The following SOCS2 variants were observed in gnomAD, a reference collection of about 807,000 sequenced individuals.
The protein encoded by SOCS2 is CIS-2.
SOCS2 carries 10 observed loss-of-function variants against 18.6 expected under a neutral mutation model. The observed-to-expected ratio is 0.54, with a 90% CI of 0.33 to 0.91. The LOEUF is 0.91. Ranked by LOEUF, SOCS2 falls within the 40% of genes least tolerant of loss-of-function variation. SOCS2 has a pLI of 0.02. For missense variants in SOCS2, 231 were observed against 247.2 expected (o/e 0.93, Z 0.44); for synonymous variants, 104 against 104.0 (o/e 1.00, Z 0.00).
the SOCS2 span, among the ~76,000 whole-genome samples, chr12:93,600,047 A>G: frequency 7.9e-5 from 12 of 152,208 alleles, no homozygotes; most frequent in African/African-American, 2.9e-4. Flanking sequence ...AGTCAGATTT[A>G]CCAATCTTAT....
At chr12:93,592,057 G>C in the SOCS2 span, among the ~76,000 whole-genome samples, 1 of 152,136 alleles carries the variant, frequency 6.6e-6, no homozygotes, top group African/African-American at 2.4e-5. Context: ...CAGTTCAGAA[G>C]TGCACAAAAT....
chr12:93,581,123 C>G (rs1273487574), downstream of SOCS2, among the ~76,000 whole-genome samples: 7 of 152,146 alleles, frequency 4.6e-5, no homozygotes, highest in Non-Finnish European at 8.8e-5. Context: ...GTGGAGGCTC[C>G]TGAGAGTCAA....
At chr12:93,595,670 C>T in the SOCS2 span, among the ~76,000 whole-genome samples, 1 of 152,110 alleles carries the variant, frequency 6.6e-6, no homozygotes, top group Non-Finnish European at 1.5e-5. Context: ...AAACAACCAC[C>T]ATCTATAGTC....
At chr12:93,580,258 G>A (rs1298518833), downstream of SOCS2, among the ~76,000 whole-genome samples, 2 of 152,080 alleles carry the variant, frequency 1.3e-5, no homozygotes, top group Non-Finnish European at 2.9e-5. Flanking sequence ...TTTCCCTTCT[G>A]TTAGTTTGGT....
At chr12:93,612,568 A>G in the SOCS2 span, among the ~76,000 whole-genome samples, 1 of 152,172 alleles carries the variant, frequency 6.6e-6, no homozygotes, top group Non-Finnish European at 1.5e-5. Flanking sequence ...TCCCTAAAGC[A>G]AACTATGCAT....
chr12:93,619,368 G>C, the SOCS2 span, among the ~76,000 whole-genome samples: 291 of 152,306 alleles, frequency 1.9e-3, 2 homozygotes, highest in African/African-American at 6.7e-3. Flanking sequence ...GGGCAGGAAG[G>C]GTGGGGCACA....
the SOCS2 span, among the ~76,000 whole-genome samples, chr12:93,591,635 G>C: frequency 3.9e-5 from 6 of 152,262 alleles, no homozygotes; most frequent in African/African-American, 1.4e-4. Flanking sequence ...AGAGTGCGGA[G>C]CCCCACGGAG....
At chr12:93,592,917 CT>C in the SOCS2 span, among the ~76,000 whole-genome samples, 3,863 of 107,308 alleles carry the variant, frequency 0.036, 62 homozygotes, top group African/African-American at 0.088. Flanking sequence ...ACTGAGAAAG[CT>C]TTTTTTTTTT....
At chr12:93,597,320 T>G in the SOCS2 span, among the ~76,000 whole-genome samples, 94 of 152,312 alleles carry the variant, frequency 6.2e-4, no homozygotes, top group African/African-American at 2.2e-3. Flanking sequence ...ACTATAATTT[T>G]ATCATTTCAA....
the SOCS2 span, among the ~76,000 whole-genome samples, chr12:93,603,086 G>A: frequency 2.0e-5 from 3 of 152,318 alleles, no homozygotes; most frequent in Admixed American, 2.0e-4. Flanking sequence ...CCAAGTCGTA[G>A]CTGTTCCCCG....
chr12:93,592,245 A>G, the SOCS2 span, among the ~76,000 whole-genome samples: 1 of 152,200 alleles, frequency 6.6e-6, no homozygotes, highest in Non-Finnish European at 1.5e-5. Context: ...TTAAAATTTA[A>G]TATTTGGACT....
Position 93,575,257 on chromosome 12 carries a change from T to G in SOCS2, c.*78T>G. ...ATGTAAAAGAGAACCAAAACTTGAG[T>G]GCTCTGGATAACTATATGGAATGCT... On this transcript the variant is annotated 3_prime_UTR_variant, in exon 2 of 2. Transcript: ENST00000551556. 1.0e-6 allele frequency: 1 copy of G among 999,032 alleles called. No individual in the cohort carries two copies. Among genetic ancestry groups the G allele is most frequent in the East Asian group, 2.6e-5 (1 of 37,994 alleles). The allele number at this position is 999,032 out of a possible 1,614,324, so 61.9% of individuals were successfully genotyped here.
chr12:93,602,572 T>C, the SOCS2 span, among the ~76,000 whole-genome samples: 1 of 152,182 alleles, frequency 6.6e-6, no homozygotes, highest in Admixed American at 6.5e-5. Flanking sequence ...CAAAGGTATA[T>C]GACAGGTCTA....
At chr12:93,618,519 T>G in the SOCS2 span, among the ~76,000 whole-genome samples, 2 of 152,018 alleles carry the variant, frequency 1.3e-5, no homozygotes, top group Non-Finnish European at 2.9e-5. Context: ...CCACCACCCT[T>G]CCCCAGCTCA....
upstream of SOCS2, chr12:93,571,613 G>A (rs1034499686): frequency 4.7e-6 from 1 of 211,838 alleles, no homozygotes; most frequent in Non-Finnish European, 9.9e-6. Context: ...TCCGAGAGTG[G>A]AGGTGTCCCA....
chr12:93,620,299 T>C, the SOCS2 span, among the ~76,000 whole-genome samples: 13,288 of 152,290 alleles, frequency 0.087, 986 homozygotes, highest in East Asian at 0.33. Context: ...TAGTCAATTC[T>C]ATGGCTGTAC....
At chr12:93,601,888 A>T in the SOCS2 span, among the ~76,000 whole-genome samples, 1 of 152,156 alleles carries the variant, frequency 6.6e-6, no homozygotes, top group Admixed American at 6.5e-5. Flanking sequence ...ATTTTCACAT[A>T]AACTTAGATT....
chr12:93,615,370 C>T, the SOCS2 span, among the ~76,000 whole-genome samples: 1 of 152,322 alleles, frequency 6.6e-6, no homozygotes, highest in Admixed American at 6.5e-5. Context: ...CCACTGGCAC[C>T]AATCTCTCTG....
the SOCS2 span, among the ~76,000 whole-genome samples, chr12:93,615,214 A>G: frequency 6.6e-6 from 1 of 152,152 alleles, no homozygotes; most frequent in Admixed American, 6.5e-5. Context: ...ACCCACCTCA[A>G]GACTGTTGTT....
Sources: gnomAD v4.1 joint callset for allele counts (sites outside exome capture counted in the v4.1 genomes callset) on GRCh38, gnomAD v4.1.1 for gene constraint, MANE v1.5 for transcripts, NCBI Gene and HGNC (gene_info 2026-07-23, HGNC 2026-07-21) for gene names.